Variants in SORCS1 observed in about 807,000 individuals in gnomAD.
SORCS1 encodes the protein VPS10 domain-containing receptor SorCS1.
In SORCS1, 60 loss-of-function variants were observed where a neutral mutation model predicts 146.1. The observed-to-expected ratio is 0.41, with a 90% CI of 0.33 to 0.51. SORCS1 has a LOEUF of 0.51. SORCS1 is among the 20% of genes least tolerant of loss of function. The pLI, the probability that SORCS1 is intolerant of heterozygous loss-of-function variation, is 0.21. For missense variants in SORCS1, 1,352 were observed against 1,487.6 expected, an observed-to-expected ratio of 0.91 and a Z score of 1.50; for synonymous variants, 637 against 584.0, an observed-to-expected ratio of 1.09 and a Z score of -1.31.
At chr10:107,175,480 C>T in the SORCS1 span, among the ~76,000 whole-genome samples, 17 of 152,086 alleles carry the variant, frequency 1.1e-4, no homozygotes, top group Non-Finnish European at 1.9e-4. Flanking sequence ...CTCTGTCACC[C>T]GGGCTGGAGT....
intron 6 of SORCS1, among the ~76,000 whole-genome samples, chr10:106,726,538 G>A (rs1270798781): frequency 6.6e-6 from 1 of 151,976 alleles, no homozygotes; most frequent in Non-Finnish European, 1.5e-5. Context: ...GAGAGTGATG[G>A]CCTCATTGTT....
chr10:106,843,026 T>C (rs1949121411), intron 2 of SORCS1, among the ~76,000 whole-genome samples: 1 of 152,228 alleles, frequency 6.6e-6, no homozygotes. Context: ...TGTTTTCATA[T>C]AGGTATACAT....
chr10:106,723,191 T>G (rs1855901434), intron 6 of SORCS1, among the ~76,000 whole-genome samples: 2 of 152,166 alleles, frequency 1.3e-5, no homozygotes, highest in South Asian at 4.1e-4. Flanking sequence ...AAGAATGTTT[T>G]GGGCTCTAAG....
At chr10:106,802,145 G>A (rs1946934994) in intron 3 of SORCS1, among the ~76,000 whole-genome samples, 1 of 152,164 alleles carries the variant, frequency 6.6e-6, no homozygotes, top group Non-Finnish European at 1.5e-5. Flanking sequence ...TGCATATGGA[G>A]AGTAAAGACA....
At chr10:107,027,178 C>T (rs776058816) in intron 1 of SORCS1, among the ~76,000 whole-genome samples, 2 of 151,328 alleles carry the variant, frequency 1.3e-5, no homozygotes, top group African/African-American at 2.4e-5. Context: ...TTATGTGATT[C>T]GTAAAATATT....
At chr10:107,091,489 A>G (rs1273264464) in intron 1 of SORCS1, among the ~76,000 whole-genome samples, 2 of 152,222 alleles carry the variant, frequency 1.3e-5, no homozygotes, top group Non-Finnish European at 2.9e-5. Flanking sequence ...GATGTTTCCA[A>G]ACTTGTGCCT....
intron 1 of SORCS1, among the ~76,000 whole-genome samples, chr10:107,125,004 G>C (rs1002692064): frequency 7.0e-6 from 1 of 143,098 alleles, no homozygotes; most frequent in African/African-American, 2.6e-5. Context: ...CCAGGCTGGA[G>C]TGCAGTGGCG....
intron 1 of SORCS1, among the ~76,000 whole-genome samples, chr10:107,052,412 G>T (rs1289268549): frequency 6.6e-6 from 1 of 152,032 alleles, no homozygotes; most frequent in Non-Finnish European, 1.5e-5. Flanking sequence ...TCAACCTATT[G>T]GGATTCTTTT....
intron 1 of SORCS1, among the ~76,000 whole-genome samples, chr10:106,968,032 G>A (rs1472870547): frequency 1.3e-4 from 19 of 149,456 alleles, no homozygotes; most frequent in African/African-American, 4.5e-4. Flanking sequence ...GTGAAACCCC[G>A]TCTCTACTAA....
intron 3 of SORCS1, among the ~76,000 whole-genome samples, chr10:106,787,339 T>C (rs1210551898): frequency 1.3e-5 from 2 of 152,200 alleles, no homozygotes; most frequent in Non-Finnish European, 2.9e-5. Flanking sequence ...CAGGTATCCT[T>C]GGGCTAACAA....
chr10:107,178,173 A>G, the SORCS1 span, among the ~76,000 whole-genome samples: 1 of 152,190 alleles, frequency 6.6e-6, no homozygotes, highest in African/African-American at 2.4e-5. Context: ...GGAAATAAAA[A>G]AAAGAAATTT....
chr10:106,868,692 T>C (rs1950305553), intron 2 of SORCS1, among the ~76,000 whole-genome samples: 1 of 152,108 alleles, frequency 6.6e-6, no homozygotes, highest in South Asian at 2.1e-4. Context: ...ACAGCTAGGG[T>C]AGTGTTAAGA....
At chr10:107,099,252 T>C (rs1046890256) in intron 1 of SORCS1, among the ~76,000 whole-genome samples, 2 of 152,234 alleles carry the variant, frequency 1.3e-5, no homozygotes, top group African/African-American at 2.4e-5. Context: ...TAGTATATGA[T>C]ATATCTCTCT....
intron 1 of SORCS1, among the ~76,000 whole-genome samples, chr10:106,965,006 A>AGTG (rs1409201481): frequency 2.0e-5 from 3 of 151,398 alleles, no homozygotes; most frequent in Admixed American, 1.3e-4. Context: ...TCAAGCAATA[A>AGTG]GTGGTTCATT....
At chr10:106,969,504 G>T (rs529952046) in intron 1 of SORCS1, among the ~76,000 whole-genome samples, 2 of 152,164 alleles carry the variant, frequency 1.3e-5, no homozygotes, top group Non-Finnish European at 2.9e-5. Flanking sequence ...TGGAAGAGTT[G>T]AAAGAAGTAG....
intron 1 of SORCS1, among the ~76,000 whole-genome samples, chr10:106,998,701 C>A (rs1028812905): frequency 6.6e-6 from 1 of 152,192 alleles, no homozygotes; most frequent in African/African-American, 2.4e-5. Context: ...TTCATTAGCA[C>A]GAAATGTTTC....
chr10:107,018,243 T>G (rs559242679), intron 1 of SORCS1, among the ~76,000 whole-genome samples: 1 of 152,166 alleles, frequency 6.6e-6, no homozygotes, highest in South Asian at 2.1e-4. Context: ...GGCGCAATCT[T>G]GGCTCACTGC....
At chr10:106,764,475 C>G (rs1242918984) in intron 4 of SORCS1, among the ~76,000 whole-genome samples, 6 of 152,176 alleles carry the variant, frequency 3.9e-5, no homozygotes, top group Non-Finnish European at 8.8e-5. Flanking sequence ...TAATAAAATT[C>G]ATAGTGTTGG....
At chr10:107,159,015 G>A (rs1430605844) in intron 1 of SORCS1, among the ~76,000 whole-genome samples, 1 of 151,704 alleles carries the variant, frequency 6.6e-6, no homozygotes, top group Non-Finnish European at 1.5e-5. Flanking sequence ...TTTTTTTGGG[G>A]GGGAAGGGGG....
Sources: allele counts gnomAD v4.1 joint callset (sites outside exome capture counted in the v4.1 genomes callset), GRCh38; gene constraint gnomAD v4.1.1; transcripts MANE v1.5; gene names NCBI Gene and HGNC (gene_info 2026-07-23, HGNC 2026-07-21).